SPATA7: variants seen among roughly 807,000 people sequenced by gnomAD.
The protein encoded by SPATA7 is spermatogenesis associated 7.
In SPATA7, 43 loss-of-function variants were observed where a neutral mutation model predicts 51.8. That is an observed-to-expected ratio of 0.83 (90% CI 0.65 to 1.07). The LOEUF is 1.07. SPATA7 is among the 50% of genes least tolerant of loss of function. The pLI is 0.00. For missense variants in SPATA7, 683 were observed against 701.3 expected, an observed-to-expected ratio of 0.97 and a Z score of 0.30; for synonymous variants, 230 against 252.8, an observed-to-expected ratio of 0.91 and a Z score of 0.86.
rs1005045488 is a variant in SPATA7, at chr14:88,469,666, T to C, written c.255-181T>C. On this transcript the variant is annotated intron_variant, in intron 4 of 4. Transcript: ENST00000556406. The surrounding 1 kb of genome is among the most constrained non-coding windows in gnomAD (Gnocchi z 4.3). The stretch of plus-strand genomic sequence containing the variant: ...CCGGGTCGTGATCTTAAACCTTCCA[T>C]AGGTGACAGTGTTGTGCCTGGAACC... The C allele has an allele frequency of 1.9e-6, 3 of 1,614,168 alleles. No individual in the cohort carries two copies. Among genetic ancestry groups the C allele is most frequent in the Admixed American group, 1.7e-5 (1 of 60,022 alleles).
intron 10 of SPATA7, among the ~76,000 whole-genome samples, chr14:88,434,553 TG>T (rs1433758302): frequency 6.6e-6 from 1 of 151,730 alleles, no homozygotes; most frequent in Non-Finnish European, 1.5e-5. Context: ...GGCGTGGTGG[TG>T]CGCGCCTGTA....
intron 1 of SPATA7, among the ~76,000 whole-genome samples, chr14:88,388,257 T>C (rs564229302): frequency 6.6e-6 from 1 of 152,314 alleles, no homozygotes; most frequent in Admixed American, 6.5e-5. Context: ...CAATGGTAGA[T>C]TTCCAAACCT....
intron 4 of SPATA7, among the ~76,000 whole-genome samples, chr14:88,407,739 AG>A (rs1288156141): frequency 2.0e-5 from 3 of 152,158 alleles, no homozygotes; most frequent in Non-Finnish European, 4.4e-5. Flanking sequence ...TTATGGTTTT[AG>A]GTCTTACATT....
chr14:88,417,939 A>T (rs1251522787), intron 5 of SPATA7, among the ~76,000 whole-genome samples: 1 of 152,178 alleles, frequency 6.6e-6, no homozygotes, highest in Non-Finnish European at 1.5e-5. Flanking sequence ...GTCTAGGCCT[A>T]AAGTATTTTT....
intron 4 of SPATA7, among the ~76,000 whole-genome samples, chr14:88,461,907 G>A (rs755070823): frequency 6.6e-6 from 1 of 152,000 alleles, no homozygotes; most frequent in South Asian, 2.1e-4. Flanking sequence ...GACTTACAGG[G>A]GTTTAAGTAT....
intron 4 of SPATA7, among the ~76,000 whole-genome samples, chr14:88,468,712 C>G (rs1475887845): frequency 6.6e-6 from 1 of 152,132 alleles, no homozygotes; most frequent in Non-Finnish European, 1.5e-5. Flanking sequence ...CTTTATTTAT[C>G]GTATGACTTC....
rs911499683 is a variant in SPATA7, at chr14:88,468,995, A to G, written c.255-852A>G. ...CCTTCCTACCCCAGCACTGCAGTGG[A>G]CCAACAACGGAGGGTTGGGGCTTTG... On this transcript the variant is annotated intron_variant, in intron 4 of 4. Coordinates refer to the SPATA7 transcript ENST00000556406. 1.9e-6 allele frequency: 3 copies of G among 1,614,068 alleles called. No individual in the cohort carries two copies. In the African/African-American group the frequency reaches 4.0e-5, roughly 22 times the overall value.
rs56330042 is a variant in SPATA7, at chr14:88,402,959, CAAAAAA to C, written c.238+6775_238+6780del. Reference sequence around the variant, plus strand: ...GTAAGTAATAAGTACAACTCAATAGCAAAAAAAAAAAAAAAAAAAAAAAACCCAAAA... The same window carrying C: ...GTAAGTAATAAGTACAACTCAATAGCAAAAAAAAAAAAAAAAAACCCAAAA... On this transcript the variant is annotated intron_variant, in intron 4 of 11. Coordinates refer to ENST00000393545, the MANE Select transcript of SPATA7 (RefSeq NM_018418.5). Among the ~76,000 whole-genome samples the C allele has an allele frequency of 2.4e-4, 15 of 62,032 alleles. No individual in the cohort carries two copies. The East Asian group carries it at 3.1e-3, about 13-fold the overall frequency. The allele number at this position is 62,032 out of a possible 152,430, so 40.7% of individuals were successfully genotyped here. A position where few individuals can be genotyped will look rare whatever the true frequency, so the allele number is the denominator to read the frequency against.
chr14:88,470,061 A>G (rs773348776), exon 5 of SPATA7: 3 of 1,609,812 alleles, frequency 1.9e-6, no homozygotes, highest in Non-Finnish European at 2.6e-6. Flanking sequence ...CTGGGATTAG[A>G]AAAGGTTAAA....
At chr14:88,436,480 A>G (rs1156951873) in intron 10 of SPATA7, among the ~76,000 whole-genome samples, 1 of 152,070 alleles carries the variant, frequency 6.6e-6, no homozygotes, top group African/African-American at 2.4e-5. Flanking sequence ...GTGGGATATT[A>G]CTCAAGAAGT....
Position 88,426,688 on chromosome 14 carries a change from A to G in SPATA7, c.829A>G (p.Thr277Ala). 1 of 1,612,714 alleles carries G rather than the reference A, an allele frequency of 6.2e-7. No individual in the cohort carries two copies. Among genetic ancestry groups the G allele is most frequent in the Non-Finnish European group, 8.5e-7 (1 of 1,179,902 alleles). Residue 277 changes from threonine to alanine, a missense_variant, in exon 6 of 12, where the codon ACC becomes GCC. Coordinates refer to ENST00000393545, the MANE Select transcript of SPATA7 (RefSeq NM_018418.5). ...TACAGATCAACGGATAGAAGCTGAA[A>G]CCCAGACTGAATTAAGGTATGACAC... ...DFTDQRIEAETQTELSFKSEL... is the reference protein window; with the variant it reads ...DFTDQRIEAEAQTELSFKSEL...
intron 3 of SPATA7, among the ~76,000 whole-genome samples, chr14:88,445,962 C>G (rs1340303304): frequency 6.6e-6 from 1 of 152,110 alleles, no homozygotes; most frequent in Non-Finnish European, 1.5e-5. Context: ...TTGGTTGTAT[C>G]TCTGTCCGGC....
At chr14:88,464,311 C>T (rs2077339055) in intron 4 of SPATA7, among the ~76,000 whole-genome samples, 1 of 152,152 alleles carries the variant, frequency 6.6e-6, no homozygotes. Flanking sequence ...AAGCACCCTG[C>T]AATTTAGATT....
intron 3 of SPATA7, among the ~76,000 whole-genome samples, chr14:88,451,902 T>G (rs144330866): frequency 6.6e-6 from 1 of 152,298 alleles, no homozygotes; most frequent in East Asian, 1.9e-4. Flanking sequence ...ATAGTTGACC[T>G]TCTGAATTCT....
At chr14:88,456,428 A>C (rs1343552603), downstream of SPATA7, among the ~76,000 whole-genome samples, 1 of 151,998 alleles carries the variant, frequency 6.6e-6, no homozygotes, top group Non-Finnish European at 1.5e-5. Flanking sequence ...AACTGGTGTG[A>C]GATGGTATCT....
intron 4 of SPATA7, among the ~76,000 whole-genome samples, chr14:88,468,512 G>A (rs10139921): frequency 0.22 from 33,492 of 151,978 alleles, 3,888 homozygotes; most frequent in East Asian, 0.31. Context: ...ACTTTGTATG[G>A]TTGGACATAA....
intron 1 of SPATA7, chr14:88,386,171 G>T (rs906308433): frequency 2.8e-5 from 17 of 608,382 alleles, no homozygotes; most frequent in Admixed American, 1.3e-4. Flanking sequence ...ACCTCCCCGG[G>T]CCCCAAATCA....
At chr14:88,470,021 A>G (rs774158267) in exon 5 of SPATA7, 1 of 1,613,618 alleles carries the variant, frequency 6.2e-7, no homozygotes, top group African/African-American at 1.3e-5. Context: ...GTGTGGCAAT[A>G]TAATCCCATT....
chr14:88,391,564 TG>T, intron 2 of SPATA7, 109 bp downstream of exon 2: 2 of 879,406 alleles, frequency 2.3e-6, no homozygotes, highest in Non-Finnish European at 3.7e-6. Flanking sequence ...GACGAATATT[TG>T]AACTTCATAT....
Sources: allele counts gnomAD v4.1 joint callset (sites outside exome capture counted in the v4.1 genomes callset), GRCh38; gene constraint gnomAD v4.1.1; non-coding constraint Gnocchi (gnomAD v3.1); transcripts MANE v1.5; gene names NCBI Gene and HGNC (gene_info 2026-07-23, HGNC 2026-07-21).